The following ZMYND11 variants were observed in gnomAD, a reference collection of about 807,000 sequenced individuals.
ZMYND11 encodes the protein zinc finger MYND-type containing 11.
ZMYND11 carries 9 observed loss-of-function variants against 84.9 expected under a neutral mutation model. That is an observed-to-expected ratio of 0.11 (90% CI 0.06 to 0.18). The LOEUF is 0.18. ZMYND11 is among the 10% of genes least tolerant of loss of function. The pLI, the probability that ZMYND11 is intolerant of heterozygous loss-of-function variation, is 1.00. For synonymous variants in ZMYND11, 250 were observed against 244.1 expected, an observed-to-expected ratio of 1.02 and a Z score of -0.23; for missense variants, 409 against 761.0, an observed-to-expected ratio of 0.54 and a Z score of 5.44.
At position 252,573 on chromosome 10, in the gene ZMYND11, A is replaced by C; in HGVS notation, c.*103A>C. On this transcript the variant is annotated 3_prime_UTR_variant, in exon 15 of 15. Transcript: ENST00000381604. This position sits in a 1 kb window ranked among gnomAD's most constrained non-coding sequence, Gnocchi z 4.6. ...GTTTAGAATTTGCTTCCCATTTTGC[A>C]CCAGCCTTTAAACACTTTTCGTGAA... The C allele has an allele frequency of 1.4e-6, 2 of 1,475,752 alleles. No homozygotes were observed. Among genetic ancestry groups the C allele is most frequent in the Non-Finnish European group, 1.8e-6 (2 of 1,113,606 alleles). 91.4% of individuals were successfully genotyped at this position (1,475,752 alleles called of 1,614,324 possible).
chr10:171,395 C>T (rs565294222), intron 1 of ZMYND11, among the ~76,000 whole-genome samples: 1 of 152,246 alleles, frequency 6.6e-6, no homozygotes, highest in East Asian at 1.9e-4. Flanking sequence ...ACAGAACATT[C>T]ACCAACATAG....
At chr10:145,214 GTATATATGTGTGTA>G (rs1331838274) in intron 1 of ZMYND11, among the ~76,000 whole-genome samples, 2 of 139,404 alleles carry the variant, frequency 1.4e-5, no homozygotes, top group African/African-American at 5.0e-5. Context: ...GTATATATAT[GTATATATGTGTGTA>G]TATATATGTG....
rs368000337 is a variant in ZMYND11 at position 187,497 on chromosome 10, G to A, written c.116+7369G>A. Among the ~76,000 whole-genome samples the A allele has an allele frequency of 5.2e-3, 786 of 152,206 alleles. 7 individuals are homozygous for A. Among genetic ancestry groups the A allele is most frequent in the African/African-American group, 0.018 (728 of 41,546 alleles). On this transcript the variant is annotated intron_variant, in intron 2 of 14. Coordinates refer to ENST00000381604, the MANE Select transcript of ZMYND11 (RefSeq NM_001370100.5). ...AAAATACAAAAAATTAGCCGGGCGC[G>A]GTGGCGGGCGCCTGTAGTCCCAGCT...
At chr10:226,046 T>C (rs1330168690) in intron 4 of ZMYND11, among the ~76,000 whole-genome samples, 1 of 152,170 alleles carries the variant, frequency 6.6e-6, no homozygotes, top group Admixed American at 6.5e-5. Flanking sequence ...GGCTACCATA[T>C]TAGATAGTGC....
intron 2 of ZMYND11, among the ~76,000 whole-genome samples, chr10:183,275 T>C (rs1463780305): frequency 6.6e-6 from 1 of 151,856 alleles, no homozygotes; most frequent in Non-Finnish European, 1.5e-5. Flanking sequence ...TTGGTTGTGA[T>C]TTTTCCATAG....
At chr10:249,253 A>T in intron 14 of ZMYND11, 165 bp downstream of exon 14, 1 of 1,450,980 alleles carries the variant, frequency 6.9e-7, no homozygotes, top group Non-Finnish European at 9.0e-7. Flanking sequence ...AAGTCCTATG[A>T]TCTCTCAACC....
At position 252,048 on chromosome 10, in the gene ZMYND11, G is replaced by A. The variant is rs778241786; in HGVS notation, c.1687-300G>A. Among the ~76,000 whole-genome samples the A allele has an allele frequency of 6.6e-6, 1 of 152,164 alleles. No individual in the cohort carries two copies. Among genetic ancestry groups the A allele is most frequent in the Non-Finnish European group, 1.5e-5 (1 of 68,038 alleles). ...GAGAAATGCAAGTGGTAGCTGGAAAGGGATGTGAAGTCAAGAGCATTTTAA... is the reference window on the plus strand; with the variant it reads ...GAGAAATGCAAGTGGTAGCTGGAAAAGGATGTGAAGTCAAGAGCATTTTAA... On this transcript the variant is annotated intron_variant, in intron 14 of 14. Transcript: ENST00000381604. The surrounding 1 kb of genome is among the most constrained non-coding windows in gnomAD (Gnocchi z 4.6).
At chr10:132,601 C>T (rs556579724), upstream of ZMYND11, among the ~76,000 whole-genome samples, 3 of 152,318 alleles carry the variant, frequency 2.0e-5, no homozygotes, top group South Asian at 6.2e-4. Context: ...CACTTTATTA[C>T]AGTTACAGTT....
At chr10:231,942 C>T (rs774190025) in intron 4 of ZMYND11, among the ~76,000 whole-genome samples, 3 of 152,122 alleles carry the variant, frequency 2.0e-5, no homozygotes, top group East Asian at 1.9e-4. Context: ...CAATCACTCC[C>T]GTATGCCACC....
chr10:233,395 T>G (rs1377215816), intron 4 of ZMYND11, among the ~76,000 whole-genome samples: 1 of 152,190 alleles, frequency 6.6e-6, no homozygotes, highest in Admixed American at 6.5e-5. Context: ...ATTCCTCTGA[T>G]TATTTTCCGT....
intron 4 of ZMYND11, among the ~76,000 whole-genome samples, chr10:236,581 A>G (rs1950010375): frequency 6.6e-6 from 1 of 150,488 alleles, no homozygotes; most frequent in Admixed American, 6.6e-5. Flanking sequence ...TTAAAATACC[A>G]AGAAAAGAAA....
At chr10:249,279 C>T (rs1288401148) in intron 14 of ZMYND11, 191 bp downstream of exon 14, 1 of 1,428,930 alleles carries the variant, frequency 7.0e-7, no homozygotes, top group African/African-American at 1.4e-5. Flanking sequence ...TCCCATATTA[C>T]TGTGTACTGC....
chr10:176,519 A>G (rs1846660908), intron 1 of ZMYND11, among the ~76,000 whole-genome samples: 2 of 152,174 alleles, frequency 1.3e-5, no homozygotes, highest in South Asian at 2.1e-4. Context: ...ATAATTTTAT[A>G]TTGAAGGTTT....
chr10:194,563 A>G (rs1306877114), intron 2 of ZMYND11, among the ~76,000 whole-genome samples: 5 of 152,218 alleles, frequency 3.3e-5, no homozygotes, highest in Non-Finnish European at 7.4e-5. Flanking sequence ...CAAATTTTCC[A>G]CTTTCTCTCC....
At chr10:134,703 C>T (rs1210135258), upstream of ZMYND11, 1 of 152,350 alleles carries the variant, frequency 6.6e-6, no homozygotes, top group Non-Finnish European at 1.5e-5. Flanking sequence ...CCGGGTCCAC[C>T]CGGGGCTGAG....
intron 1 of ZMYND11, among the ~76,000 whole-genome samples, chr10:170,427 T>TGC (rs1368178456): frequency 1.4e-4 from 5 of 37,000 alleles, no homozygotes; most frequent in Admixed American, 8.8e-4. Context: ...TTTGATTATG[T>TGC]GTGCGTGTGT....
At chr10:144,358 A>G (rs1426548767) in intron 1 of ZMYND11, among the ~76,000 whole-genome samples, 1 of 152,106 alleles carries the variant, frequency 6.6e-6, no homozygotes, top group Non-Finnish European at 1.5e-5. Flanking sequence ...AGCTGGGACT[A>G]TAGGCGCATG....
intron 2 of ZMYND11, among the ~76,000 whole-genome samples, chr10:207,795 A>G (rs1944453307): frequency 6.6e-6 from 1 of 152,306 alleles, no homozygotes; most frequent in South Asian, 2.1e-4. Context: ...GGAAAAAACT[A>G]CTTTAAAGTT....
At chr10:154,749 T>C (rs1004955346) in intron 1 of ZMYND11, 4 of 152,222 alleles carry the variant, frequency 2.6e-5, no homozygotes, top group East Asian at 3.8e-4. Context: ...TTAATAGATA[T>C]AAAGATGAAA....
Sources: allele counts gnomAD v4.1 joint callset (sites outside exome capture counted in the v4.1 genomes callset), GRCh38; gene constraint gnomAD v4.1.1; non-coding constraint Gnocchi (gnomAD v3.1); transcripts MANE v1.5; gene names NCBI Gene and HGNC (gene_info 2026-07-23, HGNC 2026-07-21).